The following FGF11 variants were observed in gnomAD, a reference collection of about 807,000 sequenced individuals.
FGF11 encodes the protein fibroblast growth factor homologous factor 3.
FGF11 carries 25 observed loss-of-function variants against 25.1 expected under a neutral mutation model. The ratio of observed to expected loss-of-function variants is 1.00; its 90% CI spans 0.73 to 1.39. The LOEUF (loss-of-function observed/expected upper bound fraction) is 1.39. Ranked by LOEUF, FGF11 falls within the 40% of genes most tolerant of loss-of-function variation. FGF11 has a pLI of 0.00. For missense variants in FGF11, 320 were observed against 311.0 expected, an observed-to-expected ratio of 1.03 and a Z score of -0.22; for synonymous variants, 130 against 128.9, an observed-to-expected ratio of 1.01 and a Z score of -0.06.
chr17:7,444,686 T>G lies in FGF11; in HGVS notation c.*1540T>G, dbSNP rs1908506699. The stretch of plus-strand genomic sequence containing the variant: ...CTGGAAAAGATGGGGAACCTGCTAG[T>G]GAACTAGGAGGGAGACTTCCATAGC... On this transcript the variant is annotated 3_prime_UTR_variant, in exon 5 of 5. Transcript: ENST00000293829. The G allele has an allele frequency of 5.2e-6, 1 of 193,500 alleles. No homozygotes were observed. Among genetic ancestry groups the G allele is most frequent in the Non-Finnish European group, 1.1e-5 (1 of 91,838 alleles). The allele number at this position is 193,500 out of a possible 1,614,324, so 12.0% of individuals were successfully genotyped here.
chr17:7,440,130 T>G lies in FGF11; in HGVS notation c.193+317T>G. The G allele has an allele frequency of 3.6e-6, 1 of 276,984 alleles. No individual in the cohort carries two copies. Among genetic ancestry groups the G allele is most frequent in the Non-Finnish European group, 6.7e-6 (1 of 149,396 alleles). 17.2% of individuals were successfully genotyped at this position (276,984 alleles called of 1,614,324 possible). ...CCATCGTCCTCCGCCTACGTGCCGG[T>G]TCTCGCGATTCTTTCAATCTGGAGC... is the stretch of plus-strand genomic sequence containing the variant. On this transcript the variant is annotated intron_variant, in intron 1 of 4. Transcript: ENST00000293829. The surrounding 1 kb of genome is among the most constrained non-coding windows in gnomAD (Gnocchi z 5.4).
chr17:7,439,727 A>G lies in FGF11; in HGVS notation c.107A>G (p.Lys36Arg). 1.9e-6 allele frequency: 3 copies of G among 1,574,146 alleles called. No homozygotes were observed. The highest frequency in any genetic ancestry group is 2.6e-6 in the Non-Finnish European group (3 of 1,164,828). Residue 36 changes from lysine (K) to arginine (R), a missense_variant, in exon 1 of 5, where the codon AAG (lysine) becomes AGG (arginine). Physicochemically the swap from Lys to Arg is conservative, Grantham distance 26 (BLOSUM62 2). Coordinates refer to ENST00000293829, the MANE Select transcript of FGF11 (RefSeq NM_004112.4). Reference protein sequence around the residue: ...AQRRVCPRGTKSLCQKQLLIL... With the variant: ...AQRRVCPRGTRSLCQKQLLIL... The stretch of plus-strand genomic sequence containing the variant: ...CGGCGCGTGTGTCCCCGCGGCACCA[A>G]GTCCCTTTGCCAGAAGCAGCTCCTC...
In FGF11 at chr17:7,440,989, C is replaced by T. The variant is rs1470813924; in HGVS notation, c.194-482C>T. Reference sequence around the variant, plus strand: ...CAAGGCAAGGCTCTCGCCAAGCTAGCGGCAGCCGCAGCAGGTGCTGAGTCA... The same window carrying T: ...CAAGGCAAGGCTCTCGCCAAGCTAGTGGCAGCCGCAGCAGGTGCTGAGTCA... On this transcript the variant is annotated intron_variant, in intron 1 of 4. Coordinates refer to ENST00000293829, the MANE Select transcript of FGF11 (RefSeq NM_004112.4). This position sits in a 1 kb window ranked among gnomAD's most constrained non-coding sequence, Gnocchi z 5.4. The T allele has an allele frequency of 4.0e-6, 4 of 998,734 alleles. No homozygotes were observed. The African/African-American group carries it at 6.9e-5, about 17-fold the overall frequency. 61.9% of individuals were successfully genotyped at this position (998,734 alleles called of 1,614,324 possible). A position where few individuals can be genotyped will look rare whatever the true frequency, so the allele number is the denominator to read the frequency against.
At chr17:7,442,065 A>C in intron 3 of FGF11, 186 bp downstream of exon 3, 3 of 525,014 alleles carry the variant, frequency 5.7e-6, no homozygotes, top group Middle Eastern at 4.8e-4. Flanking sequence ...TCCAGTCCCC[A>C]CTCCTTGCAC....
At chr17:7,441,081 C>G in intron 1 of FGF11, 1 of 452,780 alleles carries the variant, frequency 2.2e-6, no homozygotes, top group Non-Finnish European at 3.2e-6. Context: ...TTTGCTGCTG[C>G]CAAGATCCCC....
chr17:7,439,986 C>T (rs1908239698), intron 1 of FGF11, 173 bp downstream of exon 1: 1 of 492,028 alleles, frequency 2.0e-6, no homozygotes, highest in Non-Finnish European at 3.4e-6. Flanking sequence ...TCTCTTTTGT[C>T]CATAACCCGG....
rs2150833772 is a variant in FGF11 at position 7,440,943 on chromosome 17, T to C, written c.194-528T>C. 4 of 1,002,150 alleles carry C rather than the reference T, an allele frequency of 4.0e-6. No homozygotes were observed. In the South Asian group the frequency reaches 1.7e-4, roughly 42 times the overall value. The allele number at this position is 1,002,150 out of a possible 1,614,324, so 62.1% of individuals were successfully genotyped here. ...AGACAGACAGACAGATGGGTCAGTG[T>C]CAGACAGGCCGGCGCTGGGCCAAGG... is the stretch of plus-strand genomic sequence containing the variant. On this transcript the variant is annotated intron_variant, in intron 1 of 4. Coordinates refer to ENST00000293829, the MANE Select transcript of FGF11 (RefSeq NM_004112.4). This position sits in a 1 kb window ranked among gnomAD's most constrained non-coding sequence, Gnocchi z 5.4.
In FGF11 at chr17:7,441,475, T is replaced by G. The variant is rs1446549800; in HGVS notation, c.198T>G (p.Pro66=). Reference sequence around the variant, plus strand: ...GATGAATGTCTCTCTCTCCAGAGCCTCAGCTCAAAGGCATCGTCACCAAAC... The same window carrying G: ...GATGAATGTCTCTCTCTCCAGAGCCGCAGCTCAAAGGCATCGTCACCAAAC... ...RPARPDRGPE[P]QLKGIVTKLF... The change falls in exon 2 of 5, where the codon CCT becomes CCG. Residue 66 remains proline, a synonymous_variant. Transcript: ENST00000293829. 7 of 1,614,114 alleles carry G rather than the reference T, an allele frequency of 4.3e-6. No homozygotes were observed. In the South Asian group the frequency reaches 7.7e-5, roughly 18 times the overall value.
At position 7,441,785 on chromosome 17, in the gene FGF11, A is replaced by G. The variant is rs143467121; in HGVS notation, c.314A>G (p.Asn105Ser). ...CTCTCTCCACCTGCAGCCCACTTCAACCTGATCCCTGTGGGCCTCCGTGTG... is the reference window on the plus strand; with the variant it reads ...CTCTCTCCACCTGCAGCCCACTTCAGCCTGATCCCTGTGGGCCTCCGTGTG... ...PEDTSSFTHF[N>S]LIPVGLRVVT... Residue 105 changes from asparagine to serine, a missense_variant, in exon 3 of 5, where the codon AAC (asparagine) becomes AGC (serine). By Grantham distance (46) the Asn-to-Ser change is conservative. Transcript: ENST00000293829. 2.4e-5 allele frequency: 38 copies of G among 1,606,962 alleles called. No individual in the cohort carries two copies. The highest frequency in any genetic ancestry group is 9.4e-5 in the African/African-American group (7 of 74,790).
Position 7,443,138 on chromosome 17 carries a change from G to GC in FGF11, c.675dup (p.Ter226LeufsTer15). On this transcript the variant is annotated frameshift_variant, in exon 5 of 5. Transcript: ENST00000293829. LOFTEE classifies it high-confidence loss of function. Reference sequence around the variant, plus strand: ...CGAGGCCTCCCCTTCCAGTCCCCCTGCCCCCTGAAATGTAGTCCCTGGACT... The same window carrying GC: ...CGAGGCCTCCCCTTCCAGTCCCCCTGCCCCCCTGAAATGTAGTCCCTGGACT... 6.3e-7 allele frequency: 1 copy of GC among 1,598,250 alleles called. No homozygotes were observed. Among genetic ancestry groups the GC allele is most frequent in the Non-Finnish European group, 8.6e-7 (1 of 1,167,326 alleles).
intron 1 of FGF11, 73 bp from the exon 2 acceptor site, chr17:7,441,398 T>C (rs1908315036): frequency 6.3e-7 from 1 of 1,591,546 alleles, no homozygotes; most frequent in Non-Finnish European, 8.5e-7. Flanking sequence ...TTCTTCCCTC[T>C]AATCCTGCCA....
chr17:7,439,419 A>C (rs1208221384), upstream of FGF11: 2 of 449,822 alleles, frequency 4.4e-6, no homozygotes, highest in Non-Finnish European at 7.5e-6. Flanking sequence ...TGGAGCCAGC[A>C]CTGGGCCCAC....
Position 7,439,782 on chromosome 17 carries a change from G to C in FGF11, c.162G>C (p.Gly54=), listed in dbSNP as rs1320851392. 6.8e-7 allele frequency: 1 copy of C among 1,478,328 alleles called. No homozygotes were observed. The highest frequency in any genetic ancestry group is 2.8e-5 in the East Asian group (1 of 35,972). 91.6% of individuals were successfully genotyped at this position (1,478,328 alleles called of 1,614,324 possible). The change falls in exon 1 of 5, where the codon GGG becomes GGC. Residue 54 remains glycine (G), a synonymous_variant. Transcript: ENST00000293829. ...LILLSKVRLC[G]GRPARPDRGP... ...TGCTGTCCAAGGTGCGACTGTGCGG[G>C]GGGCGGCCCGCGCGGCCGGACCGCG...
rs530806815 is a variant in FGF11, at chr17:7,440,051, G to A, written c.193+238G>A. 501 of 395,902 alleles carry A rather than the reference G, an allele frequency of 1.3e-3. 1 individual carries two copies. Among genetic ancestry groups the A allele is most frequent in the Middle Eastern group, 1.9e-3 (3 of 1,574 alleles). 24.5% of individuals were successfully genotyped at this position (395,902 alleles called of 1,614,324 possible). A position where few individuals can be genotyped will look rare whatever the true frequency, so the allele number is the denominator to read the frequency against. ...GGCTTGAGGGGCTGCCTGGCGCCCCGAAAGCCTCGTAGTTCCTGCTCGTCC... is the reference window on the plus strand; with the variant it reads ...GGCTTGAGGGGCTGCCTGGCGCCCCAAAAGCCTCGTAGTTCCTGCTCGTCC... On this transcript the variant is annotated intron_variant, in intron 1 of 4. Coordinates refer to ENST00000293829, the MANE Select transcript of FGF11 (RefSeq NM_004112.4). This position sits in a 1 kb window ranked among gnomAD's most constrained non-coding sequence, Gnocchi z 5.4.
intron 4 of FGF11, 89 bp downstream of exon 4, chr17:7,442,881 T>A: frequency 7.2e-7 from 1 of 1,393,266 alleles, no homozygotes; most frequent in Non-Finnish European, 1.0e-6. Context: ...AGGCTACAAG[T>A]GATAAGAGGA....
Position 7,441,898 on chromosome 17 carries a change from G to C in FGF11, c.408+19G>C, listed in dbSNP as rs747785816. ...CAGTTCGGTGAGACAATGAGGCTGA[G>C]TGGCCGGGAAATACTGGGGACTCCC... On this transcript the variant is annotated intron_variant, in intron 3 of 4. Coordinates refer to ENST00000293829, the MANE Select transcript of FGF11 (RefSeq NM_004112.4). 3 of 1,547,744 alleles carry C rather than the reference G, an allele frequency of 1.9e-6. No individual in the cohort carries two copies. The highest frequency in any genetic ancestry group is 2.6e-6 in the Non-Finnish European group (3 of 1,141,110).
chr17:7,442,525 T>G, intron 3 of FGF11, 69 bp from the exon 4 acceptor site: 1 of 1,607,160 alleles, frequency 6.2e-7, no homozygotes, highest in Non-Finnish European at 8.5e-7. Flanking sequence ...CATGAGCTCC[T>G]TTCTGCCCAG....
Position 7,444,226 on chromosome 17 carries a change from G to A in FGF11, c.*1080G>A, listed in dbSNP as rs1268516197. The A allele has an allele frequency of 6.6e-6, 1 of 152,594 alleles. No individual in the cohort carries two copies. The highest frequency in any genetic ancestry group is 1.5e-5 in the Non-Finnish European group (1 of 68,042). 9.5% of individuals were successfully genotyped at this position (152,594 alleles called of 1,614,324 possible). ...GGGAGACAGAGTCTGGAGAAGGGCA[G>A]AGGAATTTTGGAAGGATCCCTGGCT... On this transcript the variant is annotated 3_prime_UTR_variant, in exon 5 of 5. Coordinates refer to ENST00000293829, the MANE Select transcript of FGF11 (RefSeq NM_004112.4).
rs1908232451 is a variant in FGF11, at chr17:7,439,833, G to A, written c.193+20G>A. 2.8e-6 allele frequency: 4 copies of A among 1,406,674 alleles called. No homozygotes were observed. The highest frequency in any genetic ancestry group is 9.2e-7 in the Non-Finnish European group (1 of 1,086,358). 87.1% of individuals were successfully genotyped at this position (1,406,674 alleles called of 1,614,324 possible). ...GCCCGGGTGAGTGCGGCTGGGGCGG[G>A]GTCTCCCGGCCAGAGGTTTCTCTGC... On this transcript the variant is annotated intron_variant, in intron 1 of 4. Transcript: ENST00000293829.
Sources: gnomAD v4.1 joint callset for allele counts on GRCh38, gnomAD v4.1.1 for gene constraint, Gnocchi (gnomAD v3.1) non-coding constraint, MANE v1.5 for transcripts, NCBI Gene and HGNC (gene_info 2026-07-23, HGNC 2026-07-21) for gene names.